UNC5D: variants seen among roughly 807,000 people sequenced by gnomAD.
The protein encoded by UNC5D is unc-5 netrin receptor D.
A neutral mutation model predicts 105.4 loss-of-function variants in UNC5D; 39 were observed. The ratio of observed to expected loss-of-function variants is 0.37; its 90% confidence interval spans 0.29 to 0.48. The LOEUF (loss-of-function observed/expected upper bound fraction) is 0.48. UNC5D is among the 20% of genes least tolerant of loss of function. The pLI is 0.98. For missense variants in UNC5D, 991 were observed against 1,202.4 expected, an observed-to-expected ratio of 0.82 and a Z score of 2.60; for synonymous variants, 452 against 450.4, an observed-to-expected ratio of 1.00 and a Z score of -0.04.
intron 1 of UNC5D, among the ~76,000 whole-genome samples, chr8:35,290,284 G>A (rs191804046): frequency 1.3e-5 from 2 of 152,248 alleles, no homozygotes; most frequent in Non-Finnish European, 2.9e-5. Context: ...AGAAAAGATG[G>A]TGTATATACA....
chr8:35,253,441 C>A (rs1373122054), intron 1 of UNC5D, among the ~76,000 whole-genome samples: 1 of 146,044 alleles, frequency 6.8e-6, no homozygotes, highest in Non-Finnish European at 1.5e-5. Flanking sequence ...TTTTTTTTCC[C>A]TCTGTAGAGT....
In UNC5D at chr8:35,665,415, AG is replaced by A. The variant is rs540202995; in HGVS notation, c.571-18131del. Among the ~76,000 whole-genome samples the A allele has an allele frequency of 5.9e-5, 9 of 152,262 alleles. No individual in the cohort carries two copies. In the South Asian group the frequency reaches 1.9e-3, roughly 32 times the overall value. On this transcript the variant is annotated intron_variant, in intron 4 of 16. Coordinates refer to ENST00000404895, the MANE Select transcript of UNC5D (RefSeq NM_080872.4). Reference sequence around the variant, plus strand: ...GCCCCTTGAGTGGCATGCAGGATCCAGTACAAGCTGCTGCTGTTCTGGTCTC... The same window carrying A: ...GCCCCTTGAGTGGCATGCAGGATCCATACAAGCTGCTGCTGTTCTGGTCTC...
intron 3 of UNC5D, among the ~76,000 whole-genome samples, chr8:35,573,624 A>C (rs1817897695): frequency 6.6e-6 from 1 of 152,160 alleles, no homozygotes; most frequent in Admixed American, 6.5e-5. Flanking sequence ...ATAATAGAAA[A>C]AAGTTCATGT....
rs186726957 is a variant in UNC5D, at chr8:35,356,266, A to G, written c.103+120379A>G. On this transcript the variant is annotated intron_variant, in intron 1 of 16. Coordinates refer to ENST00000404895, the MANE Select transcript of UNC5D (RefSeq NM_080872.4). The stretch of plus-strand genomic sequence containing the variant: ...TATTAGCTACGTAATGAATTGTGAT[A>G]AAATTCTCTTTAAACACTTATGAGC... Among the ~76,000 whole-genome samples, 1,429 of 152,258 alleles carry G rather than the reference A, an allele frequency of 9.4e-3. 10 individuals are homozygous for G. Among genetic ancestry groups the G allele is most frequent in the Non-Finnish European group, 0.014 (974 of 68,020 alleles).
chr8:35,544,372 C>G, intron 1 of UNC5D: 1 of 1,593,430 alleles, frequency 6.3e-7, no homozygotes, highest in Non-Finnish European at 8.6e-7. Context: ...CCACAAATAA[C>G]AGAAAATCTA....
At chr8:35,454,644 ACT>A (rs1022157220) in intron 1 of UNC5D, among the ~76,000 whole-genome samples, 11 of 151,614 alleles carry the variant, frequency 7.3e-5, no homozygotes, top group African/African-American at 2.7e-4. Context: ...ACAAGCCCAC[ACT>A]CTTTTTCCTT....
At chr8:35,584,402 T>C (rs1818652628) in intron 3 of UNC5D, among the ~76,000 whole-genome samples, 1 of 151,770 alleles carries the variant, frequency 6.6e-6, no homozygotes. Flanking sequence ...GTTTGTTTTG[T>C]TTTGTTTTGT....
intron 1 of UNC5D, among the ~76,000 whole-genome samples, chr8:35,507,103 T>C (rs1443724553): frequency 7.5e-6 from 1 of 133,192 alleles, no homozygotes; most frequent in Non-Finnish European, 1.5e-5. Flanking sequence ...TCGCCCAGGC[T>C]GGAGTGCAGT....
intron 7 of UNC5D, among the ~76,000 whole-genome samples, chr8:35,704,738 T>A (rs566259879): frequency 6.6e-6 from 1 of 152,030 alleles, no homozygotes; most frequent in Non-Finnish European, 1.5e-5. Context: ...TGCATGGTGG[T>A]GGAGTTGTGT....
chr8:35,662,201 A>AC (rs1824149057), intron 4 of UNC5D, among the ~76,000 whole-genome samples: 1 of 151,914 alleles, frequency 6.6e-6, no homozygotes, highest in Non-Finnish European at 1.5e-5. Flanking sequence ...AAAAAAAAAA[A>AC]AAACTGTGCG....
intron 7 of UNC5D, among the ~76,000 whole-genome samples, chr8:35,688,685 T>A (rs541893767): frequency 2.2e-4 from 34 of 152,290 alleles, no homozygotes; most frequent in African/African-American, 7.9e-4. Context: ...ACAAGCTCAA[T>A]AGAAGGATAT....
intron 4 of UNC5D, among the ~76,000 whole-genome samples, chr8:35,649,939 GT>G (rs1433722393): frequency 6.6e-6 from 1 of 152,102 alleles, no homozygotes; most frequent in Admixed American, 6.6e-5. Flanking sequence ...AGACATTGGT[GT>G]TACAAATGGT....
At chr8:35,424,720 C>T (rs977325288) in intron 1 of UNC5D, among the ~76,000 whole-genome samples, 3 of 152,216 alleles carry the variant, frequency 2.0e-5, no homozygotes, top group Admixed American at 2.0e-4. Flanking sequence ...GGGCTTAGGA[C>T]TCATGCCCCT....
At chr8:35,275,526 A>G (rs933685631) in intron 1 of UNC5D, among the ~76,000 whole-genome samples, 4 of 151,868 alleles carry the variant, frequency 2.6e-5, no homozygotes, top group Non-Finnish European at 5.9e-5. Context: ...TTTCTTAGTT[A>G]TTTTTGTTTT....
chr8:35,542,601 C>CT (rs1240061660), intron 1 of UNC5D, among the ~76,000 whole-genome samples: 1 of 152,208 alleles, frequency 6.6e-6, no homozygotes, highest in African/African-American at 2.4e-5. Context: ...TATTAGCCTG[C>CT]TTTGCAAGAT....
intron 9 of UNC5D, among the ~76,000 whole-genome samples, chr8:35,723,896 CTT>C (rs1828720516): frequency 1.3e-5 from 2 of 152,154 alleles, no homozygotes; most frequent in East Asian, 3.9e-4. Flanking sequence ...CTGTTATCCT[CTT>C]GAGTCTCAAG....
At chr8:35,367,716 G>T (rs1802199330) in intron 1 of UNC5D, among the ~76,000 whole-genome samples, 1 of 151,528 alleles carries the variant, frequency 6.6e-6, no homozygotes, top group South Asian at 2.1e-4. Context: ...GGCAAGAGGA[G>T]TGAATTTATA....
At chr8:35,427,944 A>G (rs1806357421) in intron 1 of UNC5D, among the ~76,000 whole-genome samples, 1 of 152,180 alleles carries the variant, frequency 6.6e-6, no homozygotes, top group Admixed American at 6.6e-5. Flanking sequence ...TGACTGTATC[A>G]TAGAGTCCTG....
At chr8:35,495,458 CAAAAAAAAAA>C (rs71547636) in intron 1 of UNC5D, among the ~76,000 whole-genome samples, 1 of 44,632 alleles carries the variant, frequency 2.2e-5, no homozygotes, top group Non-Finnish European at 3.8e-5. Flanking sequence ...ACAACAACAA[CAAAAAAAAAA>C]AAAAAAAAAA....
Sources: allele counts gnomAD v4.1 joint callset (sites outside exome capture counted in the v4.1 genomes callset), GRCh38; gene constraint gnomAD v4.1.1; transcripts MANE v1.5; gene names NCBI Gene and HGNC (gene_info 2026-07-23, HGNC 2026-07-21).